The following FGF2 variants were observed in gnomAD, a reference collection of about 807,000 sequenced individuals.
FGF2 encodes the protein basic fibroblast growth factor bFGF.
FGF2 carries 13 observed loss-of-function variants against 15.9 expected under a neutral mutation model. That is an observed-to-expected ratio of 0.82 (90% CI 0.53 to 1.30). The LOEUF (loss-of-function observed/expected upper bound fraction) is 1.30. FGF2 is among the 50% of genes most tolerant of loss of function. FGF2 has a pLI of 0.00. For missense variants in FGF2, 163 were observed against 196.9 expected (o/e 0.83, Z 1.03); for synonymous variants, 90 against 78.4 (o/e 1.15, Z -0.78).
chr4:122,888,439 AG>A (rs1413702780), intron 2 of FGF2, among the ~76,000 whole-genome samples: 1 of 152,194 alleles, frequency 6.6e-6, no homozygotes, highest in African/African-American at 2.4e-5. Flanking sequence ...TCTGCTGAAA[AG>A]ACTCCAGTGG....
At chr4:122,836,639 T>C (rs923496172) in intron 1 of FGF2, among the ~76,000 whole-genome samples, 2 of 152,242 alleles carry the variant, frequency 1.3e-5, no homozygotes, top group Non-Finnish European at 2.9e-5. Context: ...CAGGGTCCTT[T>C]TGGCTTCATT....
At chr4:122,871,781 C>CAAA (rs55677162) in intron 1 of FGF2, among the ~76,000 whole-genome samples, 3,030 of 94,202 alleles carry the variant, frequency 0.032, 125 homozygotes, top group African/African-American at 0.074. Context: ...CATTGAAAGA[C>CAAA]AAAAAAAAAA....
intron 2 of FGF2, among the ~76,000 whole-genome samples, chr4:122,888,128 C>T (rs902833828): frequency 6.6e-6 from 1 of 152,180 alleles, no homozygotes; most frequent in Non-Finnish European, 1.5e-5. Context: ...TAGCCCTCCC[C>T]ACCGCATTTG....
chr4:122,842,686 A>C (rs1726014617), intron 1 of FGF2, among the ~76,000 whole-genome samples: 1 of 152,186 alleles, frequency 6.6e-6, no homozygotes, highest in South Asian at 2.1e-4. Flanking sequence ...GGGTCTAGTT[A>C]TGCTTTTCCT....
intron 1 of FGF2, among the ~76,000 whole-genome samples, chr4:122,862,270 T>C (rs1007391538): frequency 2.0e-5 from 3 of 152,184 alleles, no homozygotes; most frequent in East Asian, 1.9e-4. Flanking sequence ...TCTCTCTAAA[T>C]ATCAGCTTCC....
At position 122,847,603 on chromosome 4, in the gene FGF2, C is replaced by CTCCATCTA. The variant is rs71599172; in HGVS notation, c.178+20253_178+20254insCATCTATC. 9.3e-4 allele frequency among the ~76,000 whole-genome samples: 132 copies of CTCCATCTA among 142,008 alleles called. 1 individual carries two copies. The highest frequency in any genetic ancestry group is 3.4e-3 in the South Asian group (15 of 4,404). The allele number at this position is 142,008 out of a possible 152,430, so 93.2% of individuals were successfully genotyped here. The stretch of plus-strand genomic sequence containing the variant: ...GAGAAACTGAATGAATAGGAGATCA[C>CTCCATCTA]TCTATCTATCTATCTATCTATCTAT... On this transcript the variant is annotated intron_variant, in intron 1 of 2. Coordinates refer to ENST00000644866, the MANE Select transcript of FGF2 (RefSeq NM_001361665.2).
At chr4:122,843,015 G>C (rs1227787931) in intron 1 of FGF2, among the ~76,000 whole-genome samples, 1 of 152,076 alleles carries the variant, frequency 6.6e-6, no homozygotes, top group African/African-American at 2.4e-5. Flanking sequence ...CAGAGCATTG[G>C]GTGCTGGAGA....
intron 1 of FGF2, among the ~76,000 whole-genome samples, chr4:122,870,710 C>T (rs1050260655): frequency 2.0e-5 from 3 of 151,842 alleles, no homozygotes; most frequent in African/African-American, 7.3e-5. Flanking sequence ...CTTGATTCTT[C>T]CCTCTTTTCT....
intron 1 of FGF2, among the ~76,000 whole-genome samples, chr4:122,850,261 C>CAA (rs540222625): frequency 1.8e-5 from 2 of 112,078 alleles, no homozygotes; most frequent in Non-Finnish European, 3.9e-5. Flanking sequence ...GACTCTGTCT[C>CAA]AAAAAAAAAA....
chr4:122,845,121 A>G (rs935935503), intron 1 of FGF2, among the ~76,000 whole-genome samples: 1 of 152,230 alleles, frequency 6.6e-6, no homozygotes, highest in Non-Finnish European at 1.5e-5. Context: ...GTACCTCTCC[A>G]TCAAAGCTCT....
Position 122,881,624 on chromosome 4 carries a change from TTCATTGTCCATA to T in FGF2, c.282+5206_282+5217del, listed in dbSNP as rs534575647. ...CATTTGAGACCTCCTCAGCCTGGATTTCATTGTCCATATCATTATCAGCATTTTGGTCAGAGG... is the reference window on the plus strand; with the variant it reads ...CATTTGAGACCTCCTCAGCCTGGATTTCATTATCAGCATTTTGGTCAGAGG... On this transcript the variant is annotated intron_variant, in intron 2 of 2. Coordinates refer to ENST00000644866, the MANE Select transcript of FGF2 (RefSeq NM_001361665.2). Among the ~76,000 whole-genome samples the T allele has an allele frequency of 1.5e-3, 235 of 152,302 alleles. 2 individuals carry two copies. The highest frequency in any genetic ancestry group is 5.4e-3 in the African/African-American group (226 of 41,564).
rs549267078 is a variant in FGF2, at chr4:122,893,332, C to T, written c.*936C>T. 3.7e-6 allele frequency: 4 copies of T among 1,075,750 alleles called. No homozygotes were observed. The highest frequency in any genetic ancestry group is 5.1e-6 in the Non-Finnish European group (4 of 780,788). The allele number at this position is 1,075,750 out of a possible 1,614,324, so 66.6% of individuals were successfully genotyped here. ...CATTATGTAAAGGCTCAAAACATTA[C>T]CCTAACAAAGTAAAGTTTTCAATAC... On this transcript the variant is annotated 3_prime_UTR_variant, in exon 3 of 3. Coordinates refer to ENST00000644866, the MANE Select transcript of FGF2 (RefSeq NM_001361665.2).
At chr4:122,840,990 A>G (rs1270771104) in intron 1 of FGF2, among the ~76,000 whole-genome samples, 1 of 152,200 alleles carries the variant, frequency 6.6e-6, no homozygotes, top group East Asian at 1.9e-4. Context: ...GAGGTTTGAG[A>G]ATACTGAAAA....
chr4:122,891,336 G>T (rs1168069652), intron 2 of FGF2, among the ~76,000 whole-genome samples: 6 of 151,900 alleles, frequency 3.9e-5, no homozygotes, highest in Non-Finnish European at 8.8e-5. Context: ...CACCGCGCCC[G>T]GCCGAACATT....
chr4:122,827,133 G>T lies in FGF2; in HGVS notation c.-42G>T. 2 of 1,327,306 alleles carry T rather than the reference G, an allele frequency of 1.5e-6. No homozygotes were observed. Among genetic ancestry groups the T allele is most frequent in the Non-Finnish European group, 1.9e-6 (2 of 1,040,852 alleles). The allele number at this position is 1,327,306 out of a possible 1,614,324, so 82.2% of individuals were successfully genotyped here. On this transcript the variant is annotated 5_prime_UTR_variant, in exon 1 of 3. Transcript: ENST00000644866. This position sits in a 1 kb window ranked among gnomAD's most constrained non-coding sequence, Gnocchi z 4.2. ...CCGGGGGACGGCGGCTCCCCGCGCGGCTCCAGCGGCTCGGGGATCCCGGCC... is the reference window on the plus strand; with the variant it reads ...CCGGGGGACGGCGGCTCCCCGCGCGTCTCCAGCGGCTCGGGGATCCCGGCC...
chr4:122,847,358 G>A (rs1726133698), intron 1 of FGF2, among the ~76,000 whole-genome samples: 1 of 152,198 alleles, frequency 6.6e-6, no homozygotes, highest in Non-Finnish European at 1.5e-5. Context: ...TGGAAGCTAG[G>A]AGTCTGTGGA....
intron 2 of FGF2, among the ~76,000 whole-genome samples, chr4:122,890,657 G>A (rs1727148707): frequency 6.6e-6 from 1 of 151,868 alleles, no homozygotes; most frequent in African/African-American, 2.4e-5. Context: ...TTATGTTTTT[G>A]TCACAGTTTG....
At position 122,826,866 on chromosome 4, in the gene FGF2, G is replaced by A; in HGVS notation, c.-309G>A. 6.6e-7 allele frequency: 1 copy of A among 1,518,522 alleles called. No individual in the cohort carries two copies. The highest frequency in any genetic ancestry group is 8.8e-7 in the Non-Finnish European group (1 of 1,134,524). 94.1% of individuals were successfully genotyped at this position (1,518,522 alleles called of 1,614,324 possible). A position where few individuals can be genotyped will look rare whatever the true frequency, so the allele number is the denominator to read the frequency against. ...CGGACGCGGTGCCCGCGGTTGCAAC[G>A]GGATCCCGGGCGCTGCAGCTTGGGA... On this transcript the variant is annotated 5_prime_UTR_variant, in exon 1 of 3. Transcript: ENST00000644866.
At chr4:122,868,846 A>G (rs925030152) in intron 1 of FGF2, among the ~76,000 whole-genome samples, 2 of 151,996 alleles carry the variant, frequency 1.3e-5, no homozygotes, top group African/African-American at 2.4e-5. Flanking sequence ...TGTGGTTTTG[A>G]TTTGCATTTC....
Sources: allele counts gnomAD v4.1 joint callset (sites outside exome capture counted in the v4.1 genomes callset), GRCh38; gene constraint gnomAD v4.1.1; non-coding constraint Gnocchi (gnomAD v3.1); transcripts MANE v1.5; gene names NCBI Gene and HGNC (gene_info 2026-07-23, HGNC 2026-07-21).